The following CASP4 variants were observed in gnomAD, a reference collection of about 807,000 sequenced individuals.
The protein encoded by CASP4 is caspase 4.
CASP4 carries 29 observed loss-of-function variants against 41.3 expected under a neutral mutation model. The ratio of observed to expected loss-of-function variants is 0.70; its 90% CI spans 0.52 to 0.96. The LOEUF (loss-of-function observed/expected upper bound fraction) is 0.96. Ranked by LOEUF, CASP4 falls within the 40% of genes least tolerant of loss-of-function variation. CASP4 has a pLI of 0.00. For missense variants in CASP4, 447 were observed against 460.6 expected, an observed-to-expected ratio of 0.97 and a Z score of 0.27; for synonymous variants, 185 against 158.4, an observed-to-expected ratio of 1.17 and a Z score of -1.26.
Position 104,954,886 on chromosome 11 carries a change from T to C in CASP4, c.123A>G (p.Glu41=), listed in dbSNP as rs1860700821. ...EQNVLNWKEE[E]KKKYYDAKTE... ...TTTTAGCATCGTAATATTTCTTTTT[T>C]TCCTCTTCCTTCCAGTTCAGTACAT... The change falls in exon 2 of 9, where the codon GAA becomes GAG. Residue 41 remains glutamate (E), a synonymous_variant. Coordinates refer to ENST00000444739, the MANE Select transcript of CASP4 (RefSeq NM_001225.4). The C allele has an allele frequency of 1.9e-6, 3 of 1,613,840 alleles. No individual in the cohort carries two copies. The highest frequency in any genetic ancestry group is 4.5e-5 in the East Asian group (2 of 44,876).
chr11:104,947,045 T>C, intron 7 of CASP4, 38 bp downstream of exon 7: 2 of 1,378,384 alleles, frequency 1.5e-6, no homozygotes, highest in Non-Finnish European at 2.1e-6. Context: ...AAATTCTTCC[T>C]GAAGAAATAA....
chr11:104,964,189 G>C (rs59769457), intron 1 of CASP4, among the ~76,000 whole-genome samples: 15,183 of 152,022 alleles, frequency 0.1, 1,301 homozygotes, highest in African/African-American at 0.22. Context: ...TGCTTTGGTC[G>C]TTTTCAAAAG....
At chr11:104,955,200 T>G (rs969582747) in intron 1 of CASP4, among the ~76,000 whole-genome samples, 199 bp from the exon 2 acceptor site, 2 of 152,172 alleles carry the variant, frequency 1.3e-5, no homozygotes, top group African/African-American at 4.8e-5. Context: ...TAAATACTTT[T>G]TATTTTCTTT....
chr11:104,949,952 G>A (rs1860567084), intron 4 of CASP4, among the ~76,000 whole-genome samples, 175 bp from the exon 5 acceptor site: 1 of 152,052 alleles, frequency 6.6e-6, no homozygotes, highest in Admixed American at 6.6e-5. Context: ...TCTTTATGGG[G>A]CCGTGGATTC....
At chr11:104,950,384 CT>C (rs1463586926) in intron 4 of CASP4, among the ~76,000 whole-genome samples, 3 of 152,068 alleles carry the variant, frequency 2.0e-5, no homozygotes, top group African/African-American at 7.2e-5. Flanking sequence ...TTTTTATTTT[CT>C]TTTTACTTAC....
chr11:104,961,545 G>C (rs533856656), intron 1 of CASP4, among the ~76,000 whole-genome samples: 1 of 152,272 alleles, frequency 6.6e-6, no homozygotes, highest in East Asian at 1.9e-4. Flanking sequence ...TCTGTTTGTA[G>C]CTCCACCACG....
intron 1 of CASP4, among the ~76,000 whole-genome samples, chr11:104,958,818 G>A (rs921340563): frequency 6.6e-5 from 10 of 151,858 alleles, no homozygotes; most frequent in African/African-American, 1.7e-4. Context: ...AAAATTAGCC[G>A]AGCGTGGTGG....
chr11:104,967,003 T>C (rs1351261012), intron 1 of CASP4, among the ~76,000 whole-genome samples: 2 of 152,228 alleles, frequency 1.3e-5, no homozygotes, highest in Non-Finnish European at 2.9e-5. Context: ...TATTTTTTGT[T>C]ATTATAATAA....
chr11:104,957,180 T>C (rs944396750), intron 1 of CASP4, among the ~76,000 whole-genome samples: 3 of 152,038 alleles, frequency 2.0e-5, no homozygotes, highest in Non-Finnish European at 4.4e-5. Flanking sequence ...CAAAAATCTT[T>C]TAGAACAAAT....
chr11:104,962,964 G>A (rs1455489284), intron 1 of CASP4, among the ~76,000 whole-genome samples: 1 of 152,018 alleles, frequency 6.6e-6, no homozygotes, highest in Non-Finnish European at 1.5e-5. Context: ...GACTACCTTG[G>A]GGAAATTCTA....
intron 2 of CASP4, among the ~76,000 whole-genome samples, chr11:104,954,465 A>G (rs560891): frequency 0.42 from 63,536 of 151,982 alleles, 14,163 homozygotes; most frequent in East Asian, 0.78. Context: ...GTCACAGGTG[A>G]CAGAATCTAG....
chr11:104,944,346 C>T (rs1451801038), intron 8 of CASP4: 1 of 54,074 alleles, frequency 1.8e-5, no homozygotes, highest in African/African-American at 6.4e-5. Context: ...TACTTAGTGT[C>T]TCTCTCTCTC....
At chr11:104,961,634 A>C (rs1860862273) in intron 1 of CASP4, among the ~76,000 whole-genome samples, 1 of 152,178 alleles carries the variant, frequency 6.6e-6, no homozygotes, top group African/African-American at 2.4e-5. Context: ...ACTTGTCCTC[A>C]ATCAGGACAA....
chr11:104,944,394 G>T lies in CASP4; in HGVS notation c.*5+354C>A, dbSNP rs574154950. The stretch of plus-strand genomic sequence containing the variant: ...TGTGTGTGTGTGTGTGTGTGTGTGT[G>T]TAAGAAAGGGGAATAAAAGAGAAAG... On this transcript the variant is annotated intron_variant, in intron 8 of 8. Coordinates refer to ENST00000444739, the MANE Select transcript of CASP4 (RefSeq NM_001225.4). 19 of 205,658 alleles carry T rather than the reference G, an allele frequency of 9.2e-5. No homozygotes were observed. The South Asian group carries it at 1.3e-3, about 14-fold the overall frequency. 12.7% of individuals were successfully genotyped at this position (205,658 alleles called of 1,614,324 possible). A position where few individuals can be genotyped will look rare whatever the true frequency, so the allele number is the denominator to read the frequency against.
At chr11:104,956,331 A>G (rs1021329451) in intron 1 of CASP4, among the ~76,000 whole-genome samples, 8 of 151,988 alleles carry the variant, frequency 5.3e-5, no homozygotes, top group African/African-American at 1.9e-4. Flanking sequence ...TTTTTTCACC[A>G]TAGTCTATAT....
chr11:104,944,362 CTCTCTCTG>C (rs1860398661), intron 8 of CASP4: 4 of 104,870 alleles, frequency 3.8e-5, no homozygotes, highest in Admixed American at 9.4e-5. Context: ...CTCTCTCTCT[CTCTCTCTG>C]TGTGTGTGTG....
At chr11:104,946,045 A>G (rs1405169080) in intron 7 of CASP4, among the ~76,000 whole-genome samples, 3 of 151,816 alleles carry the variant, frequency 2.0e-5, no homozygotes, top group East Asian at 2.0e-4. Context: ...GGGTTTTGCC[A>G]TGTTGCCCAG....
At chr11:104,964,469 A>G (rs1860930244) in intron 1 of CASP4, among the ~76,000 whole-genome samples, 1 of 152,116 alleles carries the variant, frequency 6.6e-6, no homozygotes, top group African/African-American at 2.4e-5. Flanking sequence ...GAATTTGGAA[A>G]CTCTTTGTAA....
At position 104,947,144 on chromosome 11, in the gene CASP4, T is replaced by C; in HGVS notation, c.974A>G (p.Gln325Arg). The change falls in exon 7 of 9, where the codon CAA becomes CGA. Residue 325 changes from glutamine (Q) to arginine (R), a missense_variant. By Grantham distance (43) the Gln-to-Arg change is conservative (BLOSUM62 1). Coordinates refer to ENST00000444739, the MANE Select transcript of CASP4 (RefSeq NM_001225.4). ...ATATTTCTGGAAGCATGTGATGAGT[T>C]GTGTGATGAAGATAGAGCCCATTGT... Reference protein sequence around the residue: ...DSTMGSIFITQLITCFQKYSW... With the variant: ...DSTMGSIFITRLITCFQKYSW... 1 of 1,613,258 alleles carries C rather than the reference T, an allele frequency of 6.2e-7. No individual in the cohort carries two copies. The highest frequency in any genetic ancestry group is 8.5e-7 in the Non-Finnish European group (1 of 1,179,334).
Sources: allele counts gnomAD v4.1 joint callset (sites outside exome capture counted in the v4.1 genomes callset), GRCh38; gene constraint gnomAD v4.1.1; transcripts MANE v1.5; gene names NCBI Gene and HGNC (gene_info 2026-07-23, HGNC 2026-07-21).